Variants in WDR49 observed in about 807,000 individuals in gnomAD.
WDR49 encodes the protein WD repeat domain 49.
In WDR49, 107 loss-of-function variants were observed where a neutral mutation model predicts 119.5. That is an observed-to-expected ratio of 0.90 (90% CI 0.77 to 1.05). WDR49 has a LOEUF of 1.05. Among genes scored for constraint, WDR49 ranks in the 50% least tolerant of loss-of-function variants. The pLI is 0.00. For synonymous variants in WDR49, 425 were observed against 418.8 expected (o/e 1.01, Z -0.18); for missense variants, 1,240 against 1,220.5 (o/e 1.02, Z -0.24).
intron 2 of WDR49, among the ~76,000 whole-genome samples, chr3:167,633,727 C>A (rs1559926148): frequency 6.6e-6 from 1 of 151,970 alleles, no homozygotes; most frequent in African/African-American, 2.4e-5. Context: ...AGACACACAT[C>A]TTTAAATTAG....
intron 10 of WDR49, among the ~76,000 whole-genome samples, chr3:167,545,326 C>G (rs1168207256): frequency 6.6e-6 from 1 of 151,398 alleles, no homozygotes; most frequent in African/African-American, 2.4e-5. Flanking sequence ...ACCATTTGAT[C>G]CAGCAATCCC....
At chr3:167,601,410 T>C (rs1715763165) in intron 7 of WDR49, among the ~76,000 whole-genome samples, 1 of 152,198 alleles carries the variant, frequency 6.6e-6, no homozygotes, top group Admixed American at 6.5e-5. Flanking sequence ...ACACTTTATA[T>C]GCACCCTCCT....
chr3:167,542,977 C>T (rs928875608), intron 10 of WDR49, among the ~76,000 whole-genome samples: 2 of 151,946 alleles, frequency 1.3e-5, no homozygotes, highest in African/African-American at 4.8e-5. Flanking sequence ...ACTGATACCA[C>T]AGAAATATGA....
rs1156707663 is a variant in WDR49 at position 167,478,938 on chromosome 3, T to C, written c.3090A>G (p.Glu1030=). Residue 1030 remains glutamate, a synonymous_variant, in exon 19 of 19, where the codon GAA becomes GAG. Coordinates refer to ENST00000682715, the MANE Select transcript of WDR49 (RefSeq NM_001366157.1). Reference sequence around the variant, plus strand: ...CTTGGCATAATTGCTTGGCTTTTCGTTCATGATGCAGAATTTCCTTGGGAA... The same window carrying C: ...CTTGGCATAATTGCTTGGCTTTTCGCTCATGATGCAGAATTTCCTTGGGAA... ...NLFPKEILHH[E]RKAKQLCQEK... 1.2e-6 allele frequency: 2 copies of C among 1,609,748 alleles called. No homozygotes were observed. The highest frequency in any genetic ancestry group is 2.7e-5 in the African/African-American group (2 of 74,796).
At chr3:167,590,390 C>T (rs75590917) in intron 7 of WDR49, among the ~76,000 whole-genome samples, 4,845 of 151,992 alleles carry the variant, frequency 0.032, 215 homozygotes, top group East Asian at 0.17. Context: ...TGTCTGGTTT[C>T]GGTATCAGGG....
At chr3:167,652,831 A>T (rs1398416975) in intron 2 of WDR49, among the ~76,000 whole-genome samples, 1 of 152,040 alleles carries the variant, frequency 6.6e-6, no homozygotes, top group African/African-American at 2.4e-5. Flanking sequence ...ACAGGAGGAA[A>T]TTTTTTGCAA....
At chr3:167,500,010 A>G in intron 18 of WDR49, 143 bp downstream of exon 18, 1 of 896,542 alleles carries the variant, frequency 1.1e-6, no homozygotes, top group Non-Finnish European at 1.6e-6. Flanking sequence ...GCTGAACTAT[A>G]AATCTTAACA....
intron 7 of WDR49, among the ~76,000 whole-genome samples, chr3:167,592,335 A>T (rs536743897): frequency 6.6e-6 from 1 of 152,244 alleles, no homozygotes; most frequent in Non-Finnish European, 1.5e-5. Context: ...TCAGATAACA[A>T]TAGCTTACAC....
chr3:167,546,692 A>C (rs532150808), intron 10 of WDR49, among the ~76,000 whole-genome samples: 11 of 126,524 alleles, frequency 8.7e-5, no homozygotes, highest in African/African-American at 3.9e-4. Context: ...TGTCAAGTGC[A>C]AAAAAAAAAA....
At position 167,527,722 on chromosome 3, in the gene WDR49, T is replaced by C. The variant is rs564034405; in HGVS notation, c.2604+98A>G. On this transcript the variant is annotated intron_variant, in intron 15 of 18. Coordinates refer to ENST00000682715, the MANE Select transcript of WDR49 (RefSeq NM_001366157.1). ...ATGTTGTCAGTTCTTTCATGACTAA[T>C]GAACATTAAACAGCTGATGAGATTC... The C allele has an allele frequency of 1.7e-5, 21 of 1,237,488 alleles. No homozygotes were observed. In the African/African-American group the frequency reaches 2.6e-4, roughly 15 times the overall value. The allele number at this position is 1,237,488 out of a possible 1,614,324, so 76.7% of individuals were successfully genotyped here.
At chr3:167,515,497 AAG>A (rs1344672660) in intron 16 of WDR49, among the ~76,000 whole-genome samples, 1 of 152,202 alleles carries the variant, frequency 6.6e-6, no homozygotes, top group Non-Finnish European at 1.5e-5. Flanking sequence ...TCAAAATAAT[AAG>A]AGTCACTTAT....
intron 17 of WDR49, among the ~76,000 whole-genome samples, chr3:167,502,669 G>A (rs993707561): frequency 6.6e-6 from 1 of 152,148 alleles, no homozygotes; most frequent in Non-Finnish European, 1.5e-5. Flanking sequence ...TCATGCTCTA[G>A]GCATCTGTGG....
chr3:167,479,734 A>T (rs930350921), intron 18 of WDR49, among the ~76,000 whole-genome samples: 2 of 152,226 alleles, frequency 1.3e-5, no homozygotes, highest in Non-Finnish European at 2.9e-5. Context: ...GAATATAAGC[A>T]ATGCAAACTG....
intron 7 of WDR49, among the ~76,000 whole-genome samples, chr3:167,579,540 C>A (rs1714430492): frequency 6.6e-6 from 1 of 152,130 alleles, no homozygotes; most frequent in Non-Finnish European, 1.5e-5. Flanking sequence ...TAGTCAGTCT[C>A]TACTTGGTAA....
At chr3:167,516,227 C>T (rs964359440) in intron 16 of WDR49, among the ~76,000 whole-genome samples, 2 of 151,942 alleles carry the variant, frequency 1.3e-5, no homozygotes, top group African/African-American at 4.8e-5. Flanking sequence ...TTAGGTATAT[C>T]TCCAAATGCT....
intron 18 of WDR49, among the ~76,000 whole-genome samples, chr3:167,480,294 G>A (rs374597637): frequency 1.6e-5 from 2 of 128,260 alleles, no homozygotes; most frequent in Non-Finnish European, 1.7e-5. Context: ...ACTACTATTA[G>A]AATAACTCTG....
chr3:167,488,722 A>G (rs1237929923), intron 18 of WDR49, among the ~76,000 whole-genome samples: 2 of 151,980 alleles, frequency 1.3e-5, no homozygotes, highest in African/African-American at 4.8e-5. Context: ...ATCAGGTCAC[A>G]TTCCTCTTTA....
chr3:167,620,511 G>T lies in WDR49; in HGVS notation c.876C>A (p.Asn292Lys). 6.5e-7 allele frequency: 1 copy of T among 1,536,110 alleles called. No homozygotes were observed. Among genetic ancestry groups the T allele is most frequent in the East Asian group, 2.4e-5 (1 of 40,908 alleles). The change falls in exon 5 of 19, where the codon AAC (asparagine) becomes AAA (lysine). Residue 292 changes from asparagine (N) to lysine (K), a missense_variant. Physicochemically the swap from Asn to Lys is moderately conservative, Grantham distance 94 (BLOSUM62 0). Coordinates refer to ENST00000682715, the MANE Select transcript of WDR49 (RefSeq NM_001366157.1). ...CEDGEATMTINWAELLSGCHK... is the reference protein window; with the variant it reads ...CEDGEATMTIKWAELLSGCHK... ...GACATCCAGAGAGCAGCTCTGCCCA[G>T]TTAATGGTCATAGTGGCTTCTCCAT...
At chr3:167,481,737 G>C (rs891081574) in intron 18 of WDR49, among the ~76,000 whole-genome samples, 1 of 152,152 alleles carries the variant, frequency 6.6e-6, no homozygotes, top group Admixed American at 6.5e-5. Flanking sequence ...AGAGAGAAAT[G>C]AGGAAGAAAC....
Sources: gnomAD v4.1 joint callset for allele counts (sites outside exome capture counted in the v4.1 genomes callset) on GRCh38, gnomAD v4.1.1 for gene constraint, MANE v1.5 for transcripts, NCBI Gene and HGNC (gene_info 2026-07-23, HGNC 2026-07-21) for gene names.